TSNARE1: variants seen among roughly 807,000 people sequenced by gnomAD.
TSNARE1 encodes t-SNARE domain-containing protein 1.
A neutral mutation model predicts 62.0 loss-of-function variants in TSNARE1; 49 were observed. That is an observed-to-expected ratio of 0.79 (90% CI 0.63 to 1.00). TSNARE1 has a LOEUF of 1.00. Ranked by LOEUF, TSNARE1 falls within the 50% of genes least tolerant of loss-of-function variation. The pLI is 0.00. For missense variants in TSNARE1, 755 were observed against 700.1 expected (o/e 1.08, Z -0.88); for synonymous variants, 328 against 294.4 (o/e 1.11, Z -1.17).
At chr8:142,382,833 T>C (rs1039265316) in intron 1 of TSNARE1, among the ~76,000 whole-genome samples, 2 of 152,228 alleles carry the variant, frequency 1.3e-5, no homozygotes, top group African/African-American at 2.4e-5. Context: ...TTTTCTGTCC[T>C]TCCACAGATC....
chr8:142,370,023 C>T (rs1001651522), intron 1 of TSNARE1, among the ~76,000 whole-genome samples: 2 of 152,022 alleles, frequency 1.3e-5, no homozygotes, highest in Admixed American at 6.5e-5. Context: ...GGAGGTGGAG[C>T]GCTCATGAAT....
chr8:142,273,579 G>A (rs974390588), intron 12 of TSNARE1: 4 of 985,264 alleles, frequency 4.1e-6, no homozygotes, highest in African/African-American at 3.5e-5. Context: ...CCGGCCTGGC[G>A]TTCACCAGCT....
At chr8:142,296,092 GTGGTCACTCAT>G (rs1824644986) in intron 10 of TSNARE1, among the ~76,000 whole-genome samples, 1 of 6,570 alleles carries the variant, frequency 1.5e-4, no homozygotes, top group Non-Finnish European at 3.5e-4. Context: ...GGGGGAGGGG[GTGGTCACTCAT>G]GGGGGAGGGG....
In TSNARE1 at chr8:142,268,064, A is replaced by G. The variant is rs1456306962; in HGVS notation, c.1446+6717T>C. 4.6e-5 allele frequency among the ~76,000 whole-genome samples: 7 copies of G among 151,802 alleles called. No individual in the cohort carries two copies. In the East Asian group the frequency reaches 1.4e-3, roughly 29 times the overall value. The stretch of plus-strand genomic sequence containing the variant: ...TTCCAGGCCCAGATCTGAGGGCAAC[A>G]CTCCTGGACCCTCCTGGTTCTCCTT... On this transcript the variant is annotated intron_variant, in intron 12 of 13. Coordinates refer to ENST00000524325, the MANE Select transcript of TSNARE1 (RefSeq NM_145003.5).
chr8:142,259,440 C>G (rs745670391), intron 12 of TSNARE1, among the ~76,000 whole-genome samples: 7 of 152,194 alleles, frequency 4.6e-5, no homozygotes, highest in Non-Finnish European at 1.0e-4. Context: ...GCCCCCCATA[C>G]CCCTACAGGC....
At chr8:142,284,540 G>A in intron 10 of TSNARE1, 55 bp from the exon 11 acceptor site, 2 of 1,385,750 alleles carry the variant, frequency 1.4e-6, no homozygotes, top group Non-Finnish European at 1.9e-6. Context: ...CAGACACCAA[G>A]GGCACCTGAA....
intron 11 of TSNARE1, 191 bp from the exon 12 acceptor site, chr8:142,275,054 C>A (rs1012209044): frequency 1.3e-5 from 13 of 985,264 alleles, no homozygotes; most frequent in Middle Eastern, 1.0e-3. Flanking sequence ...GCAGCAATGA[C>A]ATTAGAACGG....
upstream of TSNARE1, chr8:142,403,224 C>G (rs1470094449): frequency 6.6e-6 from 1 of 150,934 alleles, no homozygotes; most frequent in African/African-American, 2.4e-5. Context: ...CCCTCCCGCA[C>G]CAGCCAATGG....
intron 1 of TSNARE1, among the ~76,000 whole-genome samples, chr8:142,360,764 G>A (rs1160978149): frequency 2.0e-5 from 3 of 152,240 alleles, no homozygotes; most frequent in East Asian, 3.9e-4. Flanking sequence ...CTGCCCCTGG[G>A]ACAAAGCGCC....
At chr8:142,259,935 G>A (rs1586883592) in intron 12 of TSNARE1, among the ~76,000 whole-genome samples, 1 of 152,136 alleles carries the variant, frequency 6.6e-6, no homozygotes, top group South Asian at 2.1e-4. Flanking sequence ...GAACAGGGCA[G>A]TGGTTCAGGG....
upstream of TSNARE1, chr8:142,406,040 C>T (rs1024318479): frequency 2.0e-5 from 3 of 152,316 alleles, no homozygotes; most frequent in South Asian, 2.1e-4. Context: ...AATCGAGCCT[C>T]CTGGTCCTTT....
intron 12 of TSNARE1, chr8:142,271,401 G>A (rs921531800): frequency 5.7e-5 from 71 of 1,237,652 alleles, no homozygotes; most frequent in Non-Finnish European, 6.7e-5. Flanking sequence ...CCCTGCTGCC[G>A]GTGGGAGTCC....
At chr8:142,373,450 AC>A (rs1449822771) in intron 1 of TSNARE1, among the ~76,000 whole-genome samples, 1 of 151,848 alleles carries the variant, frequency 6.6e-6, no homozygotes, top group Non-Finnish European at 1.5e-5. Flanking sequence ...TCCCGCCAAT[AC>A]CCCACCTGGC....
chr8:142,318,638 G>A lies in TSNARE1; in HGVS notation c.894-4C>T. 1 of 1,613,582 alleles carries A rather than the reference G, an allele frequency of 6.2e-7. No homozygotes were observed. Among genetic ancestry groups the A allele is most frequent in the East Asian group, 2.2e-5 (1 of 44,844 alleles). On this transcript the variant is annotated splice_polypyrimidine_tract_variant and splice_region_variant and intron_variant, in intron 6 of 13. Transcript: ENST00000524325. Reference sequence around the variant, plus strand: ...GGTCTCCTGCTGTGCCGTGTGCCTGGGGGCCGAGAAGGAGCCAGGAGCGAA... The same window carrying A: ...GGTCTCCTGCTGTGCCGTGTGCCTGAGGGCCGAGAAGGAGCCAGGAGCGAA...
intron 2 of TSNARE1, among the ~76,000 whole-genome samples, chr8:142,351,105 C>T (rs1409471158): frequency 2.6e-5 from 4 of 152,196 alleles, no homozygotes; most frequent in African/African-American, 4.8e-5. Context: ...GGATTTACTC[C>T]GGAATGACAC....
intron 11 of TSNARE1, chr8:142,277,168 T>C (rs971771458): frequency 5.4e-5 from 53 of 985,178 alleles, no homozygotes; most frequent in Non-Finnish European, 1.4e-5. Flanking sequence ...CCACAGGCCC[T>C]GGGCACCTGC....
chr8:142,238,734 T>G (rs1817553205), intron 12 of TSNARE1, among the ~76,000 whole-genome samples: 1 of 109,242 alleles, frequency 9.2e-6, no homozygotes, highest in Non-Finnish European at 1.9e-5. Context: ...CACCCGCCCC[T>G]GCACGCCCGC....
chr8:142,341,535 C>A lies in TSNARE1; in HGVS notation c.745+2431G>T, dbSNP rs189568785. Among the ~76,000 whole-genome samples the A allele has an allele frequency of 6.0e-3, 914 of 152,288 alleles. 10 individuals carry two copies. The highest frequency in any genetic ancestry group is 0.021 in the African/African-American group (857 of 41,562). ...CCTCCAACCCGAAGCAGAGTGCGCA[C>A]CTGGGGCGCATCCAGACACACGGCT... On this transcript the variant is annotated intron_variant, in intron 4 of 13. Coordinates refer to ENST00000524325, the MANE Select transcript of TSNARE1 (RefSeq NM_145003.5).
At chr8:142,299,625 GCA>G (rs901259881) in intron 10 of TSNARE1, among the ~76,000 whole-genome samples, 4 of 152,276 alleles carry the variant, frequency 2.6e-5, no homozygotes, top group South Asian at 2.1e-4. Context: ...ACACATGCAT[GCA>G]CACACACGCA....
Sources: allele counts gnomAD v4.1 joint callset (sites outside exome capture counted in the v4.1 genomes callset), GRCh38; gene constraint gnomAD v4.1.1; transcripts MANE v1.5; gene names NCBI Gene and HGNC (gene_info 2026-07-23, HGNC 2026-07-21).